Variants in EYS observed in about 807,000 individuals in gnomAD.
The protein encoded by EYS is protein eyes shut homolog.
EYS carries 250 observed loss-of-function variants against 282.1 expected under a neutral mutation model. That is an observed-to-expected ratio of 0.89 (90% CI 0.80 to 0.98). The LOEUF (loss-of-function observed/expected upper bound fraction) is 0.98, where lower values mean the gene tolerates loss of function less well. EYS is among the 50% of genes least tolerant of loss of function. The probability of loss-of-function intolerance (pLI) is 0.00; values close to 1 mark genes in which losing one functional copy is unlikely to be tolerated. For missense variants in EYS, 4,016 were observed against 3,709.0 expected, an observed-to-expected ratio of 1.08 and a Z score of -2.15; for synonymous variants, 1,355 against 1,282.9, an observed-to-expected ratio of 1.06 and a Z score of -1.20.
chr6:63,840,031 A>G (rs1276709324), intron 36 of EYS, among the ~76,000 whole-genome samples: 1 of 146,996 alleles, frequency 6.8e-6, no homozygotes, highest in African/African-American at 2.5e-5. Context: ...ATGTCTATTC[A>G]GCTCATTTGC....
chr6:63,957,021 T>C (rs896385954), intron 35 of EYS, among the ~76,000 whole-genome samples: 2 of 152,198 alleles, frequency 1.3e-5, no homozygotes, highest in Non-Finnish European at 2.9e-5. Context: ...TTTGCACAGA[T>C]TGATAAATTT....
At chr6:65,442,977 T>TACATATATACATACAC (rs375319715) in intron 5 of EYS, among the ~76,000 whole-genome samples, 8 of 151,670 alleles carry the variant, frequency 5.3e-5, no homozygotes, top group Admixed American at 1.3e-4. Flanking sequence ...TATATGTATA[T>TACATATATACATACAC]ATACATATGT....
intron 5 of EYS, among the ~76,000 whole-genome samples, chr6:65,443,800 T>C (rs1768540938): frequency 6.6e-6 from 1 of 151,894 alleles, no homozygotes; most frequent in African/African-American, 2.4e-5. Context: ...ATACATTATG[T>C]ACACATATAT....
intron 35 of EYS, among the ~76,000 whole-genome samples, chr6:63,948,355 C>T (rs1313015535): frequency 6.6e-6 from 1 of 152,192 alleles, no homozygotes; most frequent in Non-Finnish European, 1.5e-5. Flanking sequence ...CTTTTGTGCA[C>T]TGGAGGAGAA....
intron 29 of EYS, among the ~76,000 whole-genome samples, chr6:64,312,055 C>T (rs568727436): frequency 1.3e-5 from 2 of 150,980 alleles, no homozygotes; most frequent in African/African-American, 4.9e-5. Flanking sequence ...GCAAAGGGGC[C>T]TGAAACCAGG....
intron 22 of EYS, among the ~76,000 whole-genome samples, chr6:64,712,452 G>A (rs1771244918): frequency 6.6e-6 from 1 of 152,152 alleles, no homozygotes; most frequent in Non-Finnish European, 1.5e-5. Flanking sequence ...GGAAGCTGGA[G>A]GAAGGAAGTT....
chr6:65,248,350 A>G (rs1184921787), intron 12 of EYS, among the ~76,000 whole-genome samples: 1 of 152,134 alleles, frequency 6.6e-6, no homozygotes, highest in African/African-American at 2.4e-5. Flanking sequence ...AATAGTAACA[A>G]TAAGTCATCA....
intron 22 of EYS, among the ~76,000 whole-genome samples, chr6:64,636,460 C>T (rs374267196): frequency 9.2e-5 from 14 of 152,120 alleles, no homozygotes; most frequent in African/African-American, 3.1e-4. Flanking sequence ...TAAAGACTTA[C>T]ATGTTAGACC....
chr6:64,193,426 T>G (rs1765178810), intron 31 of EYS, among the ~76,000 whole-genome samples: 1 of 152,084 alleles, frequency 6.6e-6, no homozygotes, highest in African/African-American at 2.4e-5. Flanking sequence ...TTCTCCTGCC[T>G]CAGCCTCCCC....
At chr6:65,370,387 C>A (rs1457086435) in intron 8 of EYS, among the ~76,000 whole-genome samples, 2 of 149,700 alleles carry the variant, frequency 1.3e-5, no homozygotes, top group Non-Finnish European at 3.0e-5. Context: ...TCCCAAGTAG[C>A]CAGGACTATG....
intron 31 of EYS, among the ~76,000 whole-genome samples, chr6:64,160,878 A>G (rs1050549363): frequency 2.6e-5 from 4 of 152,238 alleles, no homozygotes; most frequent in African/African-American, 9.6e-5. Flanking sequence ...TGGGAACTAC[A>G]TAAACATACT....
intron 14 of EYS, among the ~76,000 whole-genome samples, chr6:64,969,747 G>A (rs1770223487): frequency 3.3e-5 from 5 of 152,096 alleles, no homozygotes; most frequent in Admixed American, 3.3e-4. Flanking sequence ...AGCCTTCCAA[G>A]CAAAGTCTTC....
intron 36 of EYS, among the ~76,000 whole-genome samples, chr6:63,837,752 A>G (rs954290851): frequency 1.2e-4 from 18 of 152,198 alleles, no homozygotes; most frequent in Non-Finnish European, 2.1e-4. Flanking sequence ...TTTTGTATCA[A>G]TATTTATGAC....
At chr6:65,568,197 C>T (rs1225427037) in intron 2 of EYS, among the ~76,000 whole-genome samples, 2 of 152,162 alleles carry the variant, frequency 1.3e-5, no homozygotes, top group African/African-American at 4.8e-5. Context: ...CATATCCATT[C>T]ATTCCTCCCT....
chr6:64,258,392 A>G (rs1767473584), intron 30 of EYS, among the ~76,000 whole-genome samples: 1 of 152,042 alleles, frequency 6.6e-6, no homozygotes, highest in Admixed American at 6.6e-5. Flanking sequence ...ATCGGTTGCT[A>G]ATCAGAGATG....
chr6:63,953,013 GA>G (rs1765665798), intron 35 of EYS, among the ~76,000 whole-genome samples: 2 of 152,138 alleles, frequency 1.3e-5, no homozygotes, highest in African/African-American at 4.8e-5. Flanking sequence ...GTTAGTTCAG[GA>G]TCTGTGCCTT....
chr6:63,799,701 G>T (rs1182509566), intron 37 of EYS, among the ~76,000 whole-genome samples: 2 of 152,148 alleles, frequency 1.3e-5, no homozygotes, highest in Admixed American at 6.6e-5. Flanking sequence ...TTATGAAAAT[G>T]GTACCTTCAT....
chr6:64,618,474 T>C (rs1381756762), intron 23 of EYS, among the ~76,000 whole-genome samples: 2 of 152,212 alleles, frequency 1.3e-5, no homozygotes, highest in Non-Finnish European at 1.5e-5. Context: ...TCTTTATTTT[T>C]CTATGTATTG....
At chr6:64,423,204 A>G (rs1469188061) in intron 28 of EYS, among the ~76,000 whole-genome samples, 1 of 152,176 alleles carries the variant, frequency 6.6e-6, no homozygotes, top group Non-Finnish European at 1.5e-5. Flanking sequence ...TCATGGATTA[A>G]CAATTATTGA....
Sources: allele counts gnomAD v4.1 joint callset (sites outside exome capture counted in the v4.1 genomes callset), GRCh38; gene constraint gnomAD v4.1.1; transcripts MANE v1.5; gene names NCBI Gene and HGNC (gene_info 2026-07-23, HGNC 2026-07-21).